Variants in PACRG observed in about 807,000 individuals in gnomAD.
PACRG encodes the protein parkin coregulated.
A neutral mutation model predicts 29.7 loss-of-function variants in PACRG; 29 were observed. That is an observed-to-expected ratio of 0.98 (90% CI 0.73 to 1.33). The LOEUF (loss-of-function observed/expected upper bound fraction) is 1.33, where lower values mean the gene tolerates loss of function less well. Ranked by LOEUF, PACRG falls within the 40% of genes most tolerant of loss-of-function variation. The pLI, the probability that PACRG is intolerant of heterozygous loss-of-function variation, is 0.00. For synonymous variants in PACRG, 116 were observed against 118.7 expected (o/e 0.98, Z 0.15); for missense variants, 279 against 316.2 (o/e 0.88, Z 0.89).
chr6:163,051,395 G>C (rs1452002442), intron 2 of PACRG: 1 of 152,002 alleles, frequency 6.6e-6, no homozygotes, highest in East Asian at 1.9e-4. Context: ...CCATGTACGA[G>C]ATTATGCAAG....
At chr6:163,015,019 T>G (rs1213601552) in intron 2 of PACRG, among the ~76,000 whole-genome samples, 7 of 152,218 alleles carry the variant, frequency 4.6e-5, no homozygotes, top group Non-Finnish European at 8.8e-5. Context: ...TGAGTTAATT[T>G]TTTTGTATAG....
intron 2 of PACRG, among the ~76,000 whole-genome samples, chr6:162,948,536 A>G (rs1181122064): frequency 1.3e-5 from 2 of 152,152 alleles, no homozygotes; most frequent in Non-Finnish European, 2.9e-5. Context: ...AAATAGACAA[A>G]TTGGACTATA....
chr6:163,134,093 A>G (rs957032679), intron 4 of PACRG, among the ~76,000 whole-genome samples: 1 of 152,208 alleles, frequency 6.6e-6, no homozygotes, highest in Non-Finnish European at 1.5e-5. Flanking sequence ...CAGTTTACTG[A>G]TGAATAAGGA....
chr6:162,997,268 T>C (rs950922727), intron 2 of PACRG: 2 of 285,878 alleles, frequency 7.0e-6, no homozygotes, highest in African/African-American at 4.6e-5. Flanking sequence ...TAAGATATGT[T>C]GTGCTGACTA....
intron 4 of PACRG, among the ~76,000 whole-genome samples, chr6:163,289,317 G>C (rs997453291): frequency 1.3e-5 from 2 of 152,104 alleles, no homozygotes; most frequent in Admixed American, 6.5e-5. Flanking sequence ...TCAGTTCCAA[G>C]ATGGCTTTCA....
At chr6:163,249,816 G>A (rs1237511586) in intron 4 of PACRG, among the ~76,000 whole-genome samples, 1 of 152,218 alleles carries the variant, frequency 6.6e-6, no homozygotes, top group East Asian at 1.9e-4. Context: ...TGAAGTTTGA[G>A]TCAGAAAAGG....
intron 2 of PACRG, among the ~76,000 whole-genome samples, chr6:162,844,149 T>C (rs1410420524): frequency 5.4e-5 from 8 of 148,352 alleles, no homozygotes; most frequent in Middle Eastern, 3.4e-3. Context: ...CCTGGCTGCT[T>C]TGTTTACCTA....
At chr6:163,164,660 T>C (rs907310255) in intron 4 of PACRG, among the ~76,000 whole-genome samples, 1 of 152,180 alleles carries the variant, frequency 6.6e-6, no homozygotes, top group Non-Finnish European at 1.5e-5. Flanking sequence ...AGTTCTCAAA[T>C]TCATTCCACC....
intron 2 of PACRG, among the ~76,000 whole-genome samples, chr6:162,956,806 C>T (rs1461945181): frequency 6.6e-6 from 1 of 152,188 alleles, no homozygotes; most frequent in Non-Finnish European, 1.5e-5. Context: ...AACTTGACTA[C>T]ATCTGCAAAC....
chr6:162,743,468 T>C (rs1231768876), intron 1 of PACRG, among the ~76,000 whole-genome samples: 1 of 152,160 alleles, frequency 6.6e-6, no homozygotes, highest in Non-Finnish European at 1.5e-5. Context: ...TATTTTACAT[T>C]TTAGTATGAC....
At position 163,269,857 on chromosome 6, in the gene PACRG, GAGAAAGAAAGA is replaced by G. The variant is rs1562349457; in HGVS notation, c.614-44969_614-44959del. 5.3e-5 allele frequency among the ~76,000 whole-genome samples: 3 copies of G among 56,486 alleles called. 1 individual carries two copies. Among genetic ancestry groups the G allele is most frequent in the African/African-American group, 2.6e-4 (3 of 11,594 alleles). 37.1% of individuals were successfully genotyped at this position (56,486 alleles called of 152,430 possible). A position where few individuals can be genotyped will look rare whatever the true frequency, so the allele number is the denominator to read the frequency against. On this transcript the variant is annotated intron_variant, in intron 4 of 4. Coordinates refer to ENST00000366888, the MANE Select transcript of PACRG (RefSeq NM_001080379.2). ...AAAGAAAAAGAAAGAAAGAAAGAAA[GAGAAAGAAAGA>G]GAAAGAAAGAAAGAAAGAAAGAAAA...
At chr6:162,927,837 AT>A (rs1459547162) in intron 2 of PACRG, among the ~76,000 whole-genome samples, 1 of 152,040 alleles carries the variant, frequency 6.6e-6, no homozygotes, top group Middle Eastern at 3.2e-3. Context: ...AAACAAAAAA[AT>A]GAAACATTCT....
intron 4 of PACRG, among the ~76,000 whole-genome samples, chr6:163,247,599 G>A (rs1043475852): frequency 6.6e-6 from 1 of 152,124 alleles, no homozygotes; most frequent in East Asian, 1.9e-4. Flanking sequence ...GGTCCCAGGA[G>A]CACGCTCTAT....
chr6:162,732,649 T>C (rs929394509), intron 1 of PACRG, among the ~76,000 whole-genome samples: 7 of 152,182 alleles, frequency 4.6e-5, no homozygotes, highest in African/African-American at 1.7e-4. Context: ...GGCAGAGAAG[T>C]ACTAATGATG....
chr6:163,084,425 A>G (rs2128294805), intron 3 of PACRG, among the ~76,000 whole-genome samples: 1 of 152,340 alleles, frequency 6.6e-6, no homozygotes. Context: ...GAGAATGAAG[A>G]AGAGAAATAG....
At chr6:163,207,377 A>T (rs555265669) in intron 4 of PACRG, among the ~76,000 whole-genome samples, 1 of 152,254 alleles carries the variant, frequency 6.6e-6, no homozygotes, top group African/African-American at 2.4e-5. Context: ...CAAATGATCA[A>T]TGAGCAAAGA....
intron 2 of PACRG, among the ~76,000 whole-genome samples, chr6:162,897,250 G>C (rs990965532): frequency 2.4e-4 from 37 of 152,316 alleles, no homozygotes; most frequent in African/African-American, 8.9e-4. Flanking sequence ...TCAAACTTCA[G>C]TACTAAAAGA....
intron 4 of PACRG, among the ~76,000 whole-genome samples, chr6:163,262,166 T>G (rs1783352142): frequency 6.6e-6 from 1 of 152,216 alleles, no homozygotes; most frequent in Non-Finnish European, 1.5e-5. Flanking sequence ...TTTGAGCTGT[T>G]TGTCTTTCGT....
intron 2 of PACRG, among the ~76,000 whole-genome samples, chr6:162,956,208 C>T (rs1009570766): frequency 4.6e-5 from 7 of 152,102 alleles, no homozygotes; most frequent in African/African-American, 7.2e-5. Flanking sequence ...CAAGAGCATT[C>T]GGTTTTAGAG....
Sources: gnomAD v4.1 joint callset for allele counts (sites outside exome capture counted in the v4.1 genomes callset) on GRCh38, gnomAD v4.1.1 for gene constraint, MANE v1.5 for transcripts, NCBI Gene and HGNC (gene_info 2026-07-23, HGNC 2026-07-21) for gene names.